Variants in OR2A25 observed in about 807,000 individuals in gnomAD.
The protein encoded by OR2A25 is olfactory receptor family 2 subfamily A member 25.
For missense variants in OR2A25, 362 were observed against 368.3 expected, an observed-to-expected ratio of 0.98 and a Z score of 0.14; for synonymous variants, 162 against 148.1, an observed-to-expected ratio of 1.09 and a Z score of -0.68.
Position 144,075,398 on chromosome 7 carries a change from T to G in OR2A25, c.*246T>G. On this transcript the variant is annotated 3_prime_UTR_variant, in exon 2 of 2. Coordinates refer to ENST00000641663, the MANE Select transcript of OR2A25 (RefSeq NM_001386096.1). Reference sequence around the variant, plus strand: ...AGTGTACACACTTTTAATATAATTATGTGAAATATTCTGAAAGTTGGAAAT... The same window carrying G: ...AGTGTACACACTTTTAATATAATTAGGTGAAATATTCTGAAAGTTGGAAAT... 3.1e-6 allele frequency: 1 copy of G among 319,390 alleles called. No homozygotes were observed. The highest frequency in any genetic ancestry group is 5.7e-6 in the Non-Finnish European group (1 of 175,008). 19.8% of individuals were successfully genotyped at this position (319,390 alleles called of 1,614,324 possible).
Position 144,075,558 on chromosome 7 carries a change from G to T in OR2A25, c.*406G>T, listed in dbSNP as rs2051106798. 6.4e-6 allele frequency: 1 copy of T among 156,620 alleles called. No homozygotes were observed. Among genetic ancestry groups the T allele is most frequent in the African/African-American group, 2.4e-5 (1 of 41,458 alleles). 9.7% of individuals were successfully genotyped at this position (156,620 alleles called of 1,614,324 possible). A position where few individuals can be genotyped will look rare whatever the true frequency, so the allele number is the denominator to read the frequency against. On this transcript the variant is annotated 3_prime_UTR_variant, in exon 2 of 2. Transcript: ENST00000641663. ...AATTTAGAACGTGCCGGCCAGACACGGTGGCTCACGCCTGTAATCCCAGCA... is the reference window on the plus strand; with the variant it reads ...AATTTAGAACGTGCCGGCCAGACACTGTGGCTCACGCCTGTAATCCCAGCA...
rs2051093246 is a variant in OR2A25 at position 144,074,480 on chromosome 7, A to G, written c.261A>G (p.Pro87=). ...VPQMLVNLLH[P]AKPISFAGCM... ...AGATGCTGGTGAACCTCCTGCATCC[A>G]GCCAAGCCCATCTCCTTTGCTGGCT... is the stretch of plus-strand genomic sequence containing the variant. Residue 87 remains proline (P), a synonymous_variant, in exon 2 of 2, where the codon CCA becomes CCG. Transcript: ENST00000641663. 25 of 1,614,208 alleles carry G rather than the reference A, an allele frequency of 1.5e-5. No homozygotes were observed. The highest frequency in any genetic ancestry group is 3.3e-5 in the Admixed American group (2 of 60,022).
chr7:144,074,392 T>A lies in OR2A25; in HGVS notation c.173T>A (p.Met58Lys). Residue 58 changes from methionine (M) to lysine (K), a missense_variant, in exon 2 of 2, where the codon ATG becomes AAG. By Grantham distance (95) the Met-to-Lys change is moderately conservative. Transcript: ENST00000641663. ...CTGGACTCCAGACTCCACACCCCCATGTACTTCTTCCTCTCACACCTGGCG... is the reference window on the plus strand; with the variant it reads ...CTGGACTCCAGACTCCACACCCCCAAGTACTTCTTCCTCTCACACCTGGCG... ...ISLDSRLHTP[M>K]YFFLSHLAVV... 1 of 1,614,122 alleles carries A rather than the reference T, an allele frequency of 6.2e-7. No individual in the cohort carries two copies. The highest frequency in any genetic ancestry group is 8.5e-7 in the Non-Finnish European group (1 of 1,180,002).
Position 144,074,649 on chromosome 7 carries a change from G to T in OR2A25, c.430G>T (p.Ala144Ser), listed in dbSNP as rs1275777943. 6.2e-7 allele frequency: 1 copy of T among 1,614,154 alleles called. No homozygotes were observed. The highest frequency in any genetic ancestry group is 1.7e-5 in the Admixed American group (1 of 60,016). Residue 144 changes from alanine (A) to serine (S), a missense_variant, in exon 2 of 2, where the codon GCA (alanine) becomes TCA (serine). Coordinates refer to ENST00000641663, the MANE Select transcript of OR2A25 (RefSeq NM_001386096.1). ...IMTWKVCITL[A>S]LTSWILGVLL... ...GACCTGGAAAGTCTGCATCACTTTG[G>T]CATTGACTTCCTGGATTTTAGGAGT...
In OR2A25 at chr7:144,073,167, T is replaced by A. The variant is rs141828894; in HGVS notation, c.-4-1049T>A. On this transcript the variant is annotated intron_variant, in intron 1 of 1. Transcript: ENST00000641663. ...TTCATAGAAGAAATAAGACCTAGTG[T>A]TCAATGGATTAGAAGAGTGACTATA... is the stretch of plus-strand genomic sequence containing the variant. Among the ~76,000 whole-genome samples, 272 of 152,268 alleles carry A rather than the reference T, an allele frequency of 1.8e-3. 3 individuals carry two copies. Among genetic ancestry groups the A allele is most frequent in the African/African-American group, 6.3e-3 (262 of 41,554 alleles).
In OR2A25 at chr7:144,074,407, C is replaced by G. The variant is rs1430758889; in HGVS notation, c.188C>G (p.Ser63Ter). The G allele has an allele frequency of 2.5e-6, 4 of 1,614,190 alleles. No homozygotes were observed. Residue 63 changes from serine (S) to a stop codon, truncating the protein, a stop_gained, in exon 2 of 2, where the codon TCA becomes TGA. Transcript: ENST00000641663. LOFTEE classifies it low-confidence loss of function (END_TRUNC). ...RLHTPMYFFL[S>*]HLAVVDIACA... ...CACACCCCCATGTACTTCTTCCTCT[C>G]ACACCTGGCGGTCGTCGACATCGCC...
In OR2A25 at chr7:144,072,628, T is replaced by G. The variant is rs147481284; in HGVS notation, c.-4-1588T>G. On this transcript the variant is annotated intron_variant, in intron 1 of 1. Coordinates refer to ENST00000641663, the MANE Select transcript of OR2A25 (RefSeq NM_001386096.1). ...CACAGAGTAAGGATTCAATTGTATA[T>G]GTACTCATGTGTGTATGTACTGGGT... Among the ~76,000 whole-genome samples, 476 of 152,236 alleles carry G rather than the reference T, an allele frequency of 3.1e-3. 2 individuals carry two copies. Among genetic ancestry groups the G allele is most frequent in the African/African-American group, 0.011 (464 of 41,566 alleles).
chr7:144,074,590 C>T lies in OR2A25; in HGVS notation c.371C>T (p.Ala124Val), dbSNP rs529286957. The T allele has an allele frequency of 6.2e-7, 1 of 1,614,176 alleles. No individual in the cohort carries two copies. The highest frequency in any genetic ancestry group is 1.3e-5 in the African/African-American group (1 of 75,052). ...GTGATGTCCTATGATCGGTACGTGG[C>T]CATCTGCCACCCTCTCCGATATTCT... ...LVVMSYDRYV[A>V]ICHPLRYSTI... Residue 124 changes from alanine to valine, a missense_variant, in exon 2 of 2, where the codon GCC becomes GTC. Physicochemically the swap from Ala to Val is moderately conservative, Grantham distance 64. Coordinates refer to ENST00000641663, the MANE Select transcript of OR2A25 (RefSeq NM_001386096.1).
intron 1 of OR2A25, among the ~76,000 whole-genome samples, chr7:144,071,414 A>G (rs1258407773): frequency 6.6e-6 from 1 of 152,132 alleles, no homozygotes; most frequent in Non-Finnish European, 1.5e-5. Context: ...TTCTTTATCC[A>G]TTCATCTGTT....
chr7:144,074,802 G>A lies in OR2A25; in HGVS notation c.583G>A (p.Glu195Lys). ...KLACADTHINEVMVLAGAVSV... is the reference protein window; with the variant it reads ...KLACADTHINKVMVLAGAVSV... ...TGCCTGTGCGGATACCCACATTAATGAGGTAATGGTTTTGGCAGGGGCAGT... is the reference window on the plus strand; with the variant it reads ...TGCCTGTGCGGATACCCACATTAATAAGGTAATGGTTTTGGCAGGGGCAGT... Residue 195 changes from glutamate to lysine, a missense_variant, in exon 2 of 2, where the codon GAG (glutamate) becomes AAG (lysine). Physicochemically the swap from Glu to Lys is moderately conservative, Grantham distance 56. Coordinates refer to ENST00000641663, the MANE Select transcript of OR2A25 (RefSeq NM_001386096.1). 6.2e-7 allele frequency: 1 copy of A among 1,614,162 alleles called. No homozygotes were observed. Among genetic ancestry groups the A allele is most frequent in the Non-Finnish European group, 8.5e-7 (1 of 1,180,016 alleles).
At chr7:144,073,342 C>T (rs944892067) in intron 1 of OR2A25, among the ~76,000 whole-genome samples, 3 of 151,684 alleles carry the variant, frequency 2.0e-5, no homozygotes, top group Non-Finnish European at 4.4e-5. Flanking sequence ...ATTAAATTAT[C>T]GCATGTACCC....
At position 144,074,892 on chromosome 7, in the gene OR2A25, C is replaced by G; in HGVS notation, c.673C>G (p.Leu225Val). Residue 225 changes from leucine (L) to valine (V), a missense_variant, in exon 2 of 2, where the codon CTA (leucine) becomes GTA (valine). Transcript: ENST00000641663. ...TTATGTTCATATTCTATGTGCCATT[C>G]TAAAGATCCAGTCAGGAGAGGGGTG... ...ISYVHILCAI[L>V]KIQSGEGCQK... is the part of the protein sequence containing the mutation. 1 of 1,614,138 alleles carries G rather than the reference C, an allele frequency of 6.2e-7. No homozygotes were observed. The highest frequency in any genetic ancestry group is 8.5e-7 in the Non-Finnish European group (1 of 1,180,026).
At chr7:144,073,972 A>G (rs2051086787) in intron 1 of OR2A25, among the ~76,000 whole-genome samples, 1 of 152,200 alleles carries the variant, frequency 6.6e-6, no homozygotes. Context: ...TAACGAAAGT[A>G]GATTTGAAAA....
intron 1 of OR2A25, among the ~76,000 whole-genome samples, chr7:144,071,393 T>C (rs1365105064): frequency 1.3e-5 from 2 of 152,162 alleles, no homozygotes; most frequent in African/African-American, 4.8e-5. Context: ...ACTGTGTATA[T>C]GTACCACATT....
chr7:144,071,458 A>G (rs2128799977), intron 1 of OR2A25, among the ~76,000 whole-genome samples: 1 of 152,112 alleles, frequency 6.6e-6, no homozygotes, highest in East Asian at 1.9e-4. Flanking sequence ...ATTATTAGCT[A>G]TTGTAAACAG....
At chr7:144,070,585 G>T (rs975187313) in intron 1 of OR2A25, among the ~76,000 whole-genome samples, 5 of 151,460 alleles carry the variant, frequency 3.3e-5, no homozygotes, top group Admixed American at 6.6e-5. Context: ...GATGCTTTTG[G>T]TGTTGAATTT....
rs2051091539 is a variant in OR2A25 at position 144,074,395 on chromosome 7, A to C, written c.176A>C (p.Tyr59Ser). 6.2e-7 allele frequency: 1 copy of C among 1,614,086 alleles called. No homozygotes were observed. The highest frequency in any genetic ancestry group is 1.1e-5 in the South Asian group (1 of 91,078). The change falls in exon 2 of 2, where the codon TAC (tyrosine) becomes TCC (serine). Residue 59 changes from tyrosine (Y) to serine (S), a missense_variant. By Grantham distance (144) the Tyr-to-Ser change is moderately radical. Transcript: ENST00000641663. ...SLDSRLHTPM[Y>S]FFLSHLAVVD... ...GACTCCAGACTCCACACCCCCATGT[A>C]CTTCTTCCTCTCACACCTGGCGGTC...
Position 144,075,180 on chromosome 7 carries a change from G to C in OR2A25, c.*28G>C, listed in dbSNP as rs1325219853. 4 of 1,501,152 alleles carry C rather than the reference G, an allele frequency of 2.7e-6. No individual in the cohort carries two copies. In the East Asian group the frequency reaches 6.8e-5, roughly 25 times the overall value. 93.0% of individuals were successfully genotyped at this position (1,501,152 alleles called of 1,614,324 possible). On this transcript the variant is annotated 3_prime_UTR_variant, in exon 2 of 2. Transcript: ENST00000641663. ...GCCTGAAAGAATAGTAAAATAGCTG[G>C]CTTCAAAGGGCTTTGAGATTACATC...
intron 1 of OR2A25, among the ~76,000 whole-genome samples, chr7:144,073,645 C>A (rs983396671): frequency 1.3e-5 from 2 of 152,064 alleles, no homozygotes; most frequent in African/African-American, 2.4e-5. Flanking sequence ...TTAAATCCAG[C>A]CAAAGTTAGG....
Sources: gnomAD v4.1 joint callset for allele counts (sites outside exome capture counted in the v4.1 genomes callset) on GRCh38, gnomAD v4.1.1 for gene constraint, MANE v1.5 for transcripts, NCBI Gene and HGNC (gene_info 2026-07-23, HGNC 2026-07-21) for gene names.